Variants in FMO1 observed in about 807,000 individuals in gnomAD.
The protein encoded by FMO1 is flavin containing dimethylaniline monoxygenase 1.
A neutral mutation model predicts 45.4 loss-of-function variants in FMO1; 36 were observed. The ratio of observed to expected loss-of-function variants is 0.79; its 90% CI spans 0.61 to 1.05. FMO1 has a LOEUF of 1.05. FMO1 is among the 50% of genes least tolerant of loss of function. The pLI is 0.00. For synonymous variants in FMO1, 228 were observed against 227.2 expected, an observed-to-expected ratio of 1.00 and a Z score of -0.03; for missense variants, 615 against 640.3, an observed-to-expected ratio of 0.96 and a Z score of 0.43.
chr1:171,250,527 C>T (rs1488544532), intron 1 of FMO1, among the ~76,000 whole-genome samples: 5 of 152,076 alleles, frequency 3.3e-5, no homozygotes, highest in Non-Finnish European at 5.9e-5. Context: ...TAAACCAAAG[C>T]GGACACTCAA....
intron 1 of FMO1, among the ~76,000 whole-genome samples, chr1:171,256,816 T>A (rs1571328373): frequency 6.6e-6 from 1 of 152,046 alleles, no homozygotes; most frequent in Non-Finnish European, 1.5e-5. Context: ...AAATAAAAAA[T>A]AGCAAATTTT....
chr1:171,274,087 T>C (rs1571351047), intron 3 of FMO1, among the ~76,000 whole-genome samples: 1 of 148,258 alleles, frequency 6.7e-6, no homozygotes, highest in South Asian at 2.1e-4. Context: ...AAGCGGAGAT[T>C]GCGGTGAGCC....
intron 1 of FMO1, among the ~76,000 whole-genome samples, chr1:171,256,881 C>T (rs1419660509): frequency 6.6e-6 from 1 of 152,044 alleles, no homozygotes; most frequent in East Asian, 1.9e-4. Context: ...GGAGATAAAA[C>T]TGTCACAAAA....
At chr1:171,271,697 T>C (rs776708845) in intron 3 of FMO1, 16 of 604,606 alleles carry the variant, frequency 2.6e-5, no homozygotes, top group Non-Finnish European at 4.4e-5. Context: ...CTTCTTATGT[T>C]CTAGCAATGA....
intron 2 of FMO1, among the ~76,000 whole-genome samples, chr1:171,263,933 C>T (rs1227769119): frequency 6.6e-6 from 1 of 152,142 alleles, no homozygotes; most frequent in Non-Finnish European, 1.5e-5. Context: ...CTCATACTCC[C>T]TGTATATATG....
intron 4 of FMO1, among the ~76,000 whole-genome samples, chr1:171,277,905 C>CT (rs1408829134): frequency 6.6e-6 from 1 of 152,196 alleles, no homozygotes; most frequent in East Asian, 1.9e-4. Flanking sequence ...GGTCTTATTA[C>CT]TTTTTTTAGG....
At chr1:171,272,664 A>G (rs1660915650) in intron 3 of FMO1, among the ~76,000 whole-genome samples, 1 of 152,142 alleles carries the variant, frequency 6.6e-6, no homozygotes, top group Non-Finnish European at 1.5e-5. Context: ...GAGCTTTAAG[A>G]TTTGACTGCC....
intron 7 of FMO1, 158 bp from the exon 8 acceptor site, chr1:171,282,986 A>T (rs931193604): frequency 2.8e-5 from 15 of 542,660 alleles, no homozygotes; most frequent in Admixed American, 7.7e-5. Flanking sequence ...AGGAGCATAC[A>T]ACCAGTCAGC....
intron 4 of FMO1, among the ~76,000 whole-genome samples, chr1:171,276,689 T>C (rs1661122998): frequency 6.6e-6 from 1 of 152,160 alleles, no homozygotes; most frequent in Non-Finnish European, 1.5e-5. Flanking sequence ...GAGGAATGAA[T>C]AGAGTTTTAT....
intron 3 of FMO1, among the ~76,000 whole-genome samples, chr1:171,268,130 A>G (rs1314619673): frequency 6.6e-6 from 1 of 152,178 alleles, no homozygotes; most frequent in African/African-American, 2.4e-5. Context: ...TTTGTTGCCC[A>G]GGCTGGAGTG....
intron 2 of FMO1, among the ~76,000 whole-genome samples, chr1:171,261,733 G>GA (rs941996372): frequency 7.3e-5 from 11 of 151,472 alleles, no homozygotes; most frequent in South Asian, 2.1e-4. Context: ...CCATAAAAAG[G>GA]AAAAAAAAGA....
chr1:171,270,641 G>A lies in FMO1; in HGVS notation c.321+2910G>A, dbSNP rs184729114. 2,274 of 999,460 alleles carry A rather than the reference G, an allele frequency of 2.3e-3. 40 individuals are homozygous for A. The African/African-American group carries it at 0.035, about 15-fold the overall frequency. 61.9% of individuals were successfully genotyped at this position (999,460 alleles called of 1,614,324 possible). On this transcript the variant is annotated intron_variant, in intron 3 of 8. Transcript: ENST00000617670. ...AGCTGCATCAGAGACAGCTGAAGAT[G>A]AAAAAACTACCATCCCCATATATAA... is the stretch of plus-strand genomic sequence containing the variant.
At chr1:171,256,166 A>G (rs994444435) in intron 1 of FMO1, among the ~76,000 whole-genome samples, 9 of 150,210 alleles carry the variant, frequency 6.0e-5, no homozygotes, top group Non-Finnish European at 7.4e-5. Context: ...CCAGCTATTC[A>G]GGAGGCTGAG....
chr1:171,273,854 G>A (rs1031250465), intron 3 of FMO1, among the ~76,000 whole-genome samples: 3 of 152,122 alleles, frequency 2.0e-5, no homozygotes, highest in Admixed American at 6.5e-5. Flanking sequence ...AAAGCTAGAT[G>A]TTCACCAAAG....
Position 171,267,587 on chromosome 1 carries a change from T to C in FMO1, c.177T>C (p.Val59=), listed in dbSNP as rs377033267. ...EGRASLYKSV[V]SNSCKEMSCY... ...GAGCCAGTCTCTACAAGTCTGTGGT[T>C]TCCAACAGCTGCAAGGAGATGTCTT... The change falls in exon 3 of 9, where the codon GTT becomes GTC. Residue 59 remains valine, a synonymous_variant. Transcript: ENST00000617670. 10 of 1,613,652 alleles carry C rather than the reference T, an allele frequency of 6.2e-6. No individual in the cohort carries two copies. The highest frequency in any genetic ancestry group is 8.5e-6 in the Non-Finnish European group (10 of 1,179,710).
At chr1:171,274,345 T>C (rs1478257922) in intron 3 of FMO1, among the ~76,000 whole-genome samples, 1 of 151,720 alleles carries the variant, frequency 6.6e-6, no homozygotes, top group Non-Finnish European at 1.5e-5. Context: ...ACTGAAGCCT[T>C]GACTTCCCAA....
At chr1:171,272,178 A>G (rs1660899437) in intron 3 of FMO1, among the ~76,000 whole-genome samples, 2 of 152,256 alleles carry the variant, frequency 1.3e-5, no homozygotes, top group Non-Finnish European at 1.5e-5. Context: ...GTGGCTTTAG[A>G]GGGTGCAAAC....
At chr1:171,251,127 T>C (rs898709034) in intron 1 of FMO1, among the ~76,000 whole-genome samples, 1 of 152,190 alleles carries the variant, frequency 6.6e-6, no homozygotes, top group African/African-American at 2.4e-5. Flanking sequence ...AACTAACCTT[T>C]GATGTACGGC....
chr1:171,277,780 G>GC (rs2101835371), intron 4 of FMO1, among the ~76,000 whole-genome samples: 1 of 152,256 alleles, frequency 6.6e-6, no homozygotes, highest in East Asian at 1.9e-4. Flanking sequence ...GTTGTGGTTA[G>GC]GTTTTAACTT....
Sources: gnomAD v4.1 joint callset for allele counts (sites outside exome capture counted in the v4.1 genomes callset) on GRCh38, gnomAD v4.1.1 for gene constraint, MANE v1.5 for transcripts, NCBI Gene and HGNC (gene_info 2026-07-23, HGNC 2026-07-21) for gene names.